The following SUGCT variants were observed in gnomAD, a reference collection of about 807,000 sequenced individuals.
The protein encoded by SUGCT is succinyl-CoA:glutarate CoA-transferase.
Under a neutral mutation model 55.0 loss-of-function variants are expected in SUGCT, and 41 were observed. The ratio of observed to expected loss-of-function variants is 0.74; its 90% CI spans 0.58 to 0.97. The LOEUF is 0.97. Ranked by LOEUF, SUGCT falls within the 50% of genes least tolerant of loss-of-function variation. The pLI is 0.00. For synonymous variants in SUGCT, 187 were observed against 200.4 expected, an observed-to-expected ratio of 0.93 and a Z score of 0.56; for missense variants, 568 against 547.8, an observed-to-expected ratio of 1.04 and a Z score of -0.37.
At chr7:40,670,193 A>T (rs902877640) in intron 12 of SUGCT, among the ~76,000 whole-genome samples, 2 of 141,626 alleles carry the variant, frequency 1.4e-5, no homozygotes, top group Non-Finnish European at 3.0e-5. Context: ...AAAAAAAAAA[A>T]GAAGAAGAAG....
At chr7:40,158,214 A>G (rs1783988628) in intron 1 of SUGCT, among the ~76,000 whole-genome samples, 1 of 152,006 alleles carries the variant, frequency 6.6e-6, no homozygotes, top group Non-Finnish European at 1.5e-5. Flanking sequence ...AAAAAAAAAA[A>G]TGTGATATTT....
intron 7 of SUGCT, among the ~76,000 whole-genome samples, chr7:40,240,371 T>C (rs1382034721): frequency 6.6e-6 from 1 of 152,008 alleles, no homozygotes; most frequent in African/African-American, 2.4e-5. Context: ...TAATCCCAGC[T>C]ACTCTGGAGG....
the SUGCT span, among the ~76,000 whole-genome samples, chr7:40,949,956 T>C: frequency 5.9e-5 from 9 of 152,208 alleles, no homozygotes; most frequent in African/African-American, 2.2e-4. Context: ...TTTGGTACCA[T>C]ATGAACTTTA....
intron 6 of SUGCT, among the ~76,000 whole-genome samples, chr7:40,195,335 C>T (rs1347400179): frequency 6.6e-6 from 1 of 151,146 alleles, no homozygotes; most frequent in African/African-American, 2.4e-5. Context: ...GATTCTTCTG[C>T]CTTAGCCTCC....
At chr7:40,242,933 A>ATAT (rs1270335224) in intron 7 of SUGCT, among the ~76,000 whole-genome samples, 9 of 17,218 alleles carry the variant, frequency 5.2e-4, no homozygotes, top group South Asian at 5.0e-3. Context: ...ATATATATAT[A>ATAT]TTTTTTTTTT....
rs140665851 is a variant in SUGCT at position 40,301,975 on chromosome 7, G to A, written c.721-14785G>A. 2.9e-4 allele frequency among the ~76,000 whole-genome samples: 44 copies of A among 152,272 alleles called. No homozygotes were observed. The East Asian group carries it at 8.1e-3, about 28-fold the overall frequency. On this transcript the variant is annotated intron_variant, in intron 8 of 13. Transcript: ENST00000335693. ...TTATTAATTTTTTATTAAAGTCTGT[G>A]TAGCCCTGGAAAGGGTAACATCATG...
At chr7:40,286,224 T>C (rs1402146633) in intron 8 of SUGCT, among the ~76,000 whole-genome samples, 1 of 152,140 alleles carries the variant, frequency 6.6e-6, no homozygotes, top group Non-Finnish European at 1.5e-5. Flanking sequence ...TAGTAATAAA[T>C]GTACATTAGG....
intron 11 of SUGCT, among the ~76,000 whole-genome samples, chr7:40,492,230 C>T (rs1332930481): frequency 6.6e-6 from 1 of 151,920 alleles, no homozygotes; most frequent in African/African-American, 2.4e-5. Flanking sequence ...GGATTGAAAA[C>T]AGATATATAA....
chr7:40,710,411 C>G (rs1443843382), intron 12 of SUGCT, among the ~76,000 whole-genome samples: 1 of 152,030 alleles, frequency 6.6e-6, no homozygotes, highest in African/African-American at 2.4e-5. Context: ...AGATACAACC[C>G]CAGCCTCTGT....
intron 9 of SUGCT, among the ~76,000 whole-genome samples, chr7:40,349,256 T>A (rs555402114): frequency 2.1e-4 from 32 of 152,170 alleles, no homozygotes; most frequent in Non-Finnish European, 4.4e-4. Context: ...TTTACAGGAG[T>A]GTGCAGGCTC....
intron 9 of SUGCT, among the ~76,000 whole-genome samples, chr7:40,329,287 G>A (rs1426849720): frequency 6.6e-6 from 1 of 152,146 alleles, no homozygotes; most frequent in Non-Finnish European, 1.5e-5. Context: ...AAGTACTGAA[G>A]TGAATCTGTA....
intron 9 of SUGCT, among the ~76,000 whole-genome samples, chr7:40,420,484 G>T (rs974086427): frequency 6.6e-6 from 1 of 151,852 alleles, no homozygotes; most frequent in African/African-American, 2.4e-5. Flanking sequence ...GATTACAGGT[G>T]CCCGCCACCA....
the SUGCT span, among the ~76,000 whole-genome samples, chr7:40,902,865 C>T: frequency 6.6e-6 from 1 of 151,990 alleles, no homozygotes; most frequent in African/African-American, 2.4e-5. Flanking sequence ...AAGAGATACC[C>T]TGTAGCTGAA....
rs1791972938 is a variant in SUGCT at position 40,496,314 on chromosome 7, A to G, written c.1017A>G (p.Leu339=). 1 of 1,612,924 alleles carries G rather than the reference A, an allele frequency of 6.2e-7. No homozygotes were observed. Among genetic ancestry groups the G allele is most frequent in the African/African-American group, 1.3e-5 (1 of 74,920 alleles). The change falls in exon 12 of 14, where the codon TTA becomes TTG. Residue 339 remains leucine, a synonymous_variant. Coordinates refer to ENST00000335693, the MANE Select transcript of SUGCT (RefSeq NM_001193313.2). ...RFEEELTSKW[L]YLFEGSGVPY... ...AAGAAGAACTGACCAGCAAGTGGTTATATCTTTTTGAAGGCAGTGGAGTCC... is the reference window on the plus strand; with the variant it reads ...AAGAAGAACTGACCAGCAAGTGGTTGTATCTTTTTGAAGGCAGTGGAGTCC...
intron 13 of SUGCT, among the ~76,000 whole-genome samples, chr7:40,803,859 AATATAT>A (rs1215960384): frequency 6.6e-6 from 1 of 152,210 alleles, no homozygotes; most frequent in African/African-American, 2.4e-5. Flanking sequence ...AAGACTGTAA[AATATAT>A]TGTTACAATC....
At chr7:40,911,012 A>G in the SUGCT span, among the ~76,000 whole-genome samples, 1 of 152,162 alleles carries the variant, frequency 6.6e-6, no homozygotes, top group Non-Finnish European at 1.5e-5. Context: ...AATAGGTACT[A>G]AAAATAAATC....
intron 9 of SUGCT, among the ~76,000 whole-genome samples, chr7:40,342,392 T>A (rs1379943625): frequency 6.6e-6 from 1 of 152,190 alleles, no homozygotes; most frequent in Non-Finnish European, 1.5e-5. Flanking sequence ...TGAACTCTGA[T>A]CTTTCAATAG....
intron 12 of SUGCT, among the ~76,000 whole-genome samples, chr7:40,705,485 A>G (rs1174665661): frequency 3.3e-5 from 5 of 151,344 alleles, no homozygotes; most frequent in East Asian, 1.9e-4. Flanking sequence ...TCTATTTTCT[A>G]ATTTCCAATT....
intron 8 of SUGCT, among the ~76,000 whole-genome samples, chr7:40,279,022 T>TG (rs11390733): frequency 0.51 from 75,246 of 146,786 alleles, 20,989 homozygotes; most frequent in Non-Finnish European, 0.63. Flanking sequence ...TTTTTAGAGA[T>TG]GGGGGGGTCT....
Sources: gnomAD v4.1 joint callset for allele counts (sites outside exome capture counted in the v4.1 genomes callset) on GRCh38, gnomAD v4.1.1 for gene constraint, MANE v1.5 for transcripts, NCBI Gene and HGNC (gene_info 2026-07-23, HGNC 2026-07-21) for gene names.